The following MARCHF1 variants were observed in gnomAD, a reference collection of about 807,000 sequenced individuals.
The protein encoded by MARCHF1 is membrane associated ring-CH-type finger 1.
In MARCHF1, 40 loss-of-function variants were observed where a neutral mutation model predicts 54.2. That is an observed-to-expected ratio of 0.74 (90% CI 0.57 to 0.96). MARCHF1 has a LOEUF of 0.96. Among genes scored for constraint, MARCHF1 ranks in the 40% least tolerant of loss-of-function variants. The pLI is 0.00. For missense variants in MARCHF1, 586 were observed against 656.5 expected (o/e 0.89, Z 1.17); for synonymous variants, 236 against 236.3 (o/e 1.00, Z 0.01).
At chr4:163,559,993 T>C (rs1414265291) in intron 8 of MARCHF1, among the ~76,000 whole-genome samples, 2 of 151,366 alleles carry the variant, frequency 1.3e-5, no homozygotes, top group African/African-American at 4.9e-5. Flanking sequence ...TTATCAGACA[T>C]TTGATATGAA....
intron 4 of MARCHF1, among the ~76,000 whole-genome samples, chr4:163,723,674 A>T (rs192123666): frequency 3.5e-4 from 53 of 152,196 alleles, no homozygotes; most frequent in African/African-American, 1.2e-3. Flanking sequence ...ACAGATGTAG[A>T]TTTGGTCTTT....
chr4:163,834,037 C>A (rs1356930778), intron 4 of MARCHF1, among the ~76,000 whole-genome samples: 1 of 152,062 alleles, frequency 6.6e-6, no homozygotes, highest in Admixed American at 6.5e-5. Context: ...TATGTGTTGT[C>A]TTGTTATATT....
chr4:163,726,930 T>C (rs1324668344), intron 4 of MARCHF1, among the ~76,000 whole-genome samples: 1 of 152,244 alleles, frequency 6.6e-6, no homozygotes, highest in East Asian at 1.9e-4. Flanking sequence ...TTTCTTATCG[T>C]TGAGTTTTAA....
chr4:164,191,964 T>C (rs930389650), intron 1 of MARCHF1, among the ~76,000 whole-genome samples: 3 of 152,230 alleles, frequency 2.0e-5, no homozygotes, highest in Admixed American at 6.5e-5. Context: ...GGGAAACTAG[T>C]ACTAGAACAC....
At chr4:164,185,115 C>A (rs911867997) in intron 1 of MARCHF1, among the ~76,000 whole-genome samples, 2 of 152,098 alleles carry the variant, frequency 1.3e-5, no homozygotes, top group Admixed American at 1.3e-4. Context: ...ATTTTCCTCA[C>A]AAAATTCTTT....
At chr4:164,333,438 C>T (rs369059123) in intron 1 of MARCHF1, among the ~76,000 whole-genome samples, 2 of 152,220 alleles carry the variant, frequency 1.3e-5, no homozygotes, top group East Asian at 1.9e-4. Context: ...CTAATTCTCA[C>T]AATATTTTAA....
intron 1 of MARCHF1, among the ~76,000 whole-genome samples, chr4:164,254,836 A>G (rs112711468): frequency 5.1e-4 from 77 of 152,246 alleles, no homozygotes; most frequent in African/African-American, 1.8e-3. Context: ...TTAAGGGTGG[A>G]TTTGCCTTCC....
At chr4:164,161,594 T>C (rs1438992813) in intron 1 of MARCHF1, among the ~76,000 whole-genome samples, 3 of 151,962 alleles carry the variant, frequency 2.0e-5, no homozygotes, top group South Asian at 2.1e-4. Context: ...CTAAGTGAAG[T>C]TGGAAACCAA....
At chr4:163,695,267 T>C (rs116355576) in intron 5 of MARCHF1, among the ~76,000 whole-genome samples, 5 of 152,250 alleles carry the variant, frequency 3.3e-5, no homozygotes, top group African/African-American at 1.2e-4. Context: ...TGGAAAAATA[T>C]GGAGAGATGA....
chr4:163,958,149 C>G (rs534291419), intron 3 of MARCHF1, among the ~76,000 whole-genome samples: 1 of 152,024 alleles, frequency 6.6e-6, no homozygotes, highest in South Asian at 2.1e-4. Flanking sequence ...ACATCTTTGC[C>G]TTCAGATGTT....
chr4:163,886,162 T>C (rs1187152173), intron 3 of MARCHF1, among the ~76,000 whole-genome samples: 1 of 149,902 alleles, frequency 6.7e-6, no homozygotes, highest in East Asian at 1.9e-4. Context: ...GATCTATAAA[T>C]AGATCTATAT....
intron 7 of MARCHF1, among the ~76,000 whole-genome samples, chr4:163,595,609 G>T (rs895672032): frequency 2.0e-5 from 3 of 152,162 alleles, no homozygotes; most frequent in Non-Finnish European, 4.4e-5. Context: ...GCTGTTCATT[G>T]ATGAAATTTG....
chr4:163,781,319 C>T lies in MARCHF1; in HGVS notation c.111+72702G>A, dbSNP rs539562724. Among the ~76,000 whole-genome samples the T allele has an allele frequency of 3.4e-4, 52 of 152,294 alleles. No individual in the cohort carries two copies. The Middle Eastern group carries it at 0.01, about 30-fold the overall frequency. On this transcript the variant is annotated intron_variant, in intron 4 of 9. Transcript: ENST00000514618. ...TAGCCAGGATTCTGCCACTGCACTCCAGCCTGGGAAACTCTGTGAGACTCC... is the reference window on the plus strand; with the variant it reads ...TAGCCAGGATTCTGCCACTGCACTCTAGCCTGGGAAACTCTGTGAGACTCC...
intron 1 of MARCHF1, among the ~76,000 whole-genome samples, chr4:164,113,340 A>G (rs761543361): frequency 4.6e-5 from 7 of 152,026 alleles, no homozygotes; most frequent in Admixed American, 1.3e-4. Context: ...GGTTCCCCAC[A>G]TGGCCTTTTG....
intron 5 of MARCHF1, among the ~76,000 whole-genome samples, chr4:163,640,775 T>C (rs1444102296): frequency 6.6e-6 from 1 of 152,150 alleles, no homozygotes; most frequent in African/African-American, 2.4e-5. Context: ...CTTTAAGTCA[T>C]AGCAAAATTG....
At chr4:163,926,712 T>C (rs1395476991) in intron 3 of MARCHF1, among the ~76,000 whole-genome samples, 1 of 151,690 alleles carries the variant, frequency 6.6e-6, no homozygotes, top group Non-Finnish European at 1.5e-5. Flanking sequence ...ATTTGAGATT[T>C]AGTTTGCATT....
At chr4:163,867,814 CTTTTT>C (rs34739113) in intron 3 of MARCHF1, among the ~76,000 whole-genome samples, 1 of 131,038 alleles carries the variant, frequency 7.6e-6, no homozygotes, top group African/African-American at 2.8e-5. Context: ...CATCAATTTC[CTTTTT>C]TTTTTTTTTT....
chr4:163,651,007 C>T (rs979671807), intron 5 of MARCHF1, among the ~76,000 whole-genome samples: 11 of 151,884 alleles, frequency 7.2e-5, no homozygotes, highest in Non-Finnish European at 1.6e-4. Flanking sequence ...GGTGACATGT[C>T]CTATCTAAAG....
chr4:164,297,563 A>C (rs1734443858), intron 1 of MARCHF1, among the ~76,000 whole-genome samples: 3 of 152,166 alleles, frequency 2.0e-5, no homozygotes, highest in African/African-American at 7.2e-5. Flanking sequence ...TTCACAAACC[A>C]CAGGAAACTA....
Sources: gnomAD v4.1 joint callset for allele counts (sites outside exome capture counted in the v4.1 genomes callset) on GRCh38, gnomAD v4.1.1 for gene constraint, MANE v1.5 for transcripts, NCBI Gene and HGNC (gene_info 2026-07-23, HGNC 2026-07-21) for gene names.